The following TADA2A variants were observed in gnomAD, a reference collection of about 807,000 sequenced individuals.
TADA2A encodes the protein transcriptional adapter 2-alpha.
Under a neutral mutation model 67.4 loss-of-function variants are expected in TADA2A, and 38 were observed. That is an observed-to-expected ratio of 0.56 (90% confidence interval 0.44 to 0.74). The LOEUF is 0.74. Ranked by LOEUF, TADA2A falls within the 30% of genes least tolerant of loss-of-function variation. The probability of loss-of-function intolerance (pLI) is 0.00; values close to 1 mark genes in which losing one functional copy is unlikely to be tolerated. For synonymous variants in TADA2A, 192 were observed against 181.6 expected (o/e 1.06, Z -0.46); for missense variants, 454 against 547.0 (o/e 0.83, Z 1.70).
At chr17:37,465,717 A>T in intron 11 of TADA2A, 176 bp downstream of exon 11, 1 of 1,120,464 alleles carries the variant, frequency 8.9e-7, no homozygotes. Flanking sequence ...AAGAGAGGTT[A>T]AAAAGCCCTA....
intron 15 of TADA2A, 96 bp from the exon 16 acceptor site, chr17:37,476,701 G>A (rs2053898941): frequency 1.5e-6 from 2 of 1,301,846 alleles, no homozygotes; most frequent in Non-Finnish European, 2.1e-6. Context: ...ATAGTTGGAG[G>A]TTGATGTCAC....
At chr17:37,418,469 T>C (rs1392979359) in intron 2 of TADA2A, among the ~76,000 whole-genome samples, 1 of 152,148 alleles carries the variant, frequency 6.6e-6, no homozygotes, top group East Asian at 1.9e-4. Flanking sequence ...TATAATATAA[T>C]TAATACAATG....
intron 12 of TADA2A, among the ~76,000 whole-genome samples, chr17:37,470,025 T>C (rs1220291385): frequency 6.6e-6 from 1 of 152,152 alleles, no homozygotes; most frequent in Non-Finnish European, 1.5e-5. Flanking sequence ...CTTATAGCAC[T>C]TGTGTGACTT....
intron 2 of TADA2A, among the ~76,000 whole-genome samples, chr17:37,411,985 C>G (rs570421894): frequency 9.2e-4 from 139 of 150,412 alleles, no homozygotes; most frequent in African/African-American, 3.3e-3. Flanking sequence ...CCGAGGCAGG[C>G]AGATCACGAG....
In TADA2A at chr17:37,465,768, G is replaced by A. The variant is rs1345347820; in HGVS notation, c.823+227G>A. 6.2e-6 allele frequency: 4 copies of A among 641,088 alleles called. No homozygotes were observed. The East Asian group carries it at 1.1e-4, about 18-fold the overall frequency. 39.7% of individuals were successfully genotyped at this position (641,088 alleles called of 1,614,324 possible). On this transcript the variant is annotated intron_variant, in intron 11 of 15. Transcript: ENST00000615182. The stretch of plus-strand genomic sequence containing the variant: ...GCCCCAGATAAACAATAATTTAGTA[G>A]TTTTTCTCCCTACTTTGTATCATGG...
At chr17:37,467,669 G>C (rs1412130032) in intron 12 of TADA2A, 144 bp downstream of exon 12, 1 of 674,008 alleles carries the variant, frequency 1.5e-6, no homozygotes, top group Non-Finnish European at 2.5e-6. Flanking sequence ...GTAAAGTTTT[G>C]GCTATTTAAT....
chr17:37,414,432 G>A (rs1387223487), intron 2 of TADA2A, among the ~76,000 whole-genome samples: 1 of 151,176 alleles, frequency 6.6e-6, no homozygotes, highest in African/African-American at 2.4e-5. Flanking sequence ...TACTCCCCCC[G>A]CCCTGGAATC....
chr17:37,435,709 A>G (rs1369541216), intron 4 of TADA2A, among the ~76,000 whole-genome samples: 2 of 152,154 alleles, frequency 1.3e-5, no homozygotes, highest in East Asian at 1.9e-4. Context: ...CCTGCCAAGT[A>G]GCTGGAACCA....
intron 12 of TADA2A, 67 bp from the exon 13 acceptor site, chr17:37,470,333 G>A: frequency 6.3e-7 from 1 of 1,580,324 alleles, no homozygotes; most frequent in South Asian, 1.2e-5. Flanking sequence ...CGGTTTCTTG[G>A]TCAGTTAGGA....
chr17:37,467,826 A>G (rs981837046), intron 12 of TADA2A, among the ~76,000 whole-genome samples: 17 of 152,184 alleles, frequency 1.1e-4, no homozygotes, highest in African/African-American at 4.1e-4. Context: ...TCACACCTGT[A>G]ATCCCAGCAC....
At chr17:37,436,981 C>T (rs1328276744) in intron 4 of TADA2A, among the ~76,000 whole-genome samples, 1 of 151,760 alleles carries the variant, frequency 6.6e-6, no homozygotes, top group Non-Finnish European at 1.5e-5. Context: ...ATGGTGGAAA[C>T]GGGTGGGAGA....
chr17:37,409,295 C>T (rs551331589), intron 1 of TADA2A, among the ~76,000 whole-genome samples: 3 of 152,098 alleles, frequency 2.0e-5, no homozygotes, highest in Non-Finnish European at 4.4e-5. Flanking sequence ...CACTATGTTG[C>T]CCAGGCTGGT....
intron 8 of TADA2A, among the ~76,000 whole-genome samples, chr17:37,457,895 C>CA (rs1695957096): frequency 6.6e-6 from 1 of 151,822 alleles, no homozygotes; most frequent in African/African-American, 2.4e-5. Context: ...TAACAATGTC[C>CA]AAAAAAGGTG....
At chr17:37,467,021 G>C (rs924727837) in intron 11 of TADA2A, among the ~76,000 whole-genome samples, 1 of 152,136 alleles carries the variant, frequency 6.6e-6, no homozygotes, top group Non-Finnish European at 1.5e-5. Flanking sequence ...GCCGGGTGTG[G>C]TGGTAGATGC....
intron 10 of TADA2A, among the ~76,000 whole-genome samples, chr17:37,464,568 G>A (rs1463568538): frequency 1.3e-5 from 2 of 152,220 alleles, no homozygotes; most frequent in African/African-American, 2.4e-5. Context: ...GGCCGGGCGC[G>A]GTGGCTCACA....
At chr17:37,419,492 A>G (rs998443349) in intron 2 of TADA2A, among the ~76,000 whole-genome samples, 2 of 146,602 alleles carry the variant, frequency 1.4e-5, no homozygotes, top group African/African-American at 4.9e-5. Context: ...GCTTCTTGAC[A>G]TAAGGATTTA....
chr17:37,465,548 G>C lies in TADA2A; in HGVS notation c.823+7G>C, dbSNP rs747468843. 2.5e-6 allele frequency: 4 copies of C among 1,614,040 alleles called. No homozygotes were observed. The highest frequency in any genetic ancestry group is 3.4e-6 in the Non-Finnish European group (4 of 1,180,006). On this transcript the variant is annotated splice_region_variant and intron_variant, in intron 11 of 15. Transcript: ENST00000615182. ...TTCATTGAAAGCCATGCATGTAGGT[G>C]GTTTTTGAGCCTTGAGCAGTATTTG...
At chr17:37,411,773 G>C (rs191488107) in intron 2 of TADA2A, among the ~76,000 whole-genome samples, 394 of 151,948 alleles carry the variant, frequency 2.6e-3, no homozygotes, top group Non-Finnish European at 3.7e-3. Context: ...AGTTGATCAA[G>C]GAAGAAAAAT....
At chr17:37,414,788 C>T (rs1206770967) in intron 2 of TADA2A, among the ~76,000 whole-genome samples, 1 of 152,142 alleles carries the variant, frequency 6.6e-6, no homozygotes, top group Non-Finnish European at 1.5e-5. Context: ...TGCCCTCAAC[C>T]CCTTGTACTT....
Sources: gnomAD v4.1 joint callset for allele counts (sites outside exome capture counted in the v4.1 genomes callset) on GRCh38, gnomAD v4.1.1 for gene constraint, MANE v1.5 for transcripts, NCBI Gene and HGNC (gene_info 2026-07-23, HGNC 2026-07-21) for gene names.